TGFB2: variants seen among roughly 807,000 people sequenced by gnomAD.
TGFB2 encodes transforming growth factor beta 2, also known as transforming growth factor beta-2 proprotein.
In TGFB2, 13 loss-of-function variants were observed where a neutral mutation model predicts 42.7. That is an observed-to-expected ratio of 0.30 (90% CI 0.20 to 0.48). The LOEUF (loss-of-function observed/expected upper bound fraction) is 0.48, where lower values mean the gene tolerates loss of function less well. Among genes scored for constraint, TGFB2 ranks in the 20% least tolerant of loss-of-function variants. The pLI, the probability that TGFB2 is intolerant of heterozygous loss-of-function variation, is 0.99. For missense variants in TGFB2, 390 were observed against 517.5 expected (o/e 0.75, Z 2.39); for synonymous variants, 193 against 193.6 (o/e 1.00, Z 0.03).
chr1:218,352,081 C>T (rs1256042095), intron 1 of TGFB2, among the ~76,000 whole-genome samples: 1 of 152,114 alleles, frequency 6.6e-6, no homozygotes, highest in African/African-American at 2.4e-5. Flanking sequence ...GGGACTCTGG[C>T]CCACTGCCAC....
At chr1:218,396,503 T>A (rs1571867318) in intron 1 of TGFB2, among the ~76,000 whole-genome samples, 1 of 152,058 alleles carries the variant, frequency 6.6e-6, no homozygotes, top group East Asian at 1.9e-4. Flanking sequence ...TGAGGTGTGA[T>A]CTCTCACAAC....
In TGFB2 at chr1:218,441,237, G is replaced by A; in HGVS notation, c.1120G>A (p.Ala374Thr). 1.9e-6 allele frequency: 3 copies of A among 1,613,576 alleles called. No individual in the cohort carries two copies. The highest frequency in any genetic ancestry group is 2.5e-6 in the Non-Finnish European group (3 of 1,179,892). ...LSLYNTINPE[A>T]SASPCCVSQD... ...CTTATATAATACCATAAATCCAGAA[G>A]CATCTGCTTCTCCTTGCTGCGTGTC... The change falls in exon 7 of 7, where the codon GCA (alanine) becomes ACA (threonine). Residue 374 changes from alanine to threonine, a missense_variant. Ala to Thr is a moderately conservative substitution (Grantham distance 58). Transcript: ENST00000366930.
chr1:218,422,244 G>C (rs1659479255), intron 2 of TGFB2, among the ~76,000 whole-genome samples: 1 of 150,244 alleles, frequency 6.7e-6, no homozygotes, highest in African/African-American at 2.5e-5. Flanking sequence ...TTTTGACAGA[G>C]TCTCGCTCTG....
At chr1:218,424,222 A>G (rs1243668001) in intron 2 of TGFB2, among the ~76,000 whole-genome samples, 1 of 152,222 alleles carries the variant, frequency 6.6e-6, no homozygotes, top group African/African-American at 2.4e-5. Flanking sequence ...TGATTTTAAC[A>G]TTGTTATCAC....
At position 218,405,252 on chromosome 1, in the gene TGFB2, T is replaced by C. The variant is rs1658870343; in HGVS notation, c.430T>C (p.Leu144=). The change falls in exon 2 of 7, where the codon TTG becomes CTG. Residue 144 remains leucine, a synonymous_variant. Transcript: ENST00000366930. ...VSAMEKNASN[L]VKAEFRVFRL... is the part of the protein sequence containing the mutation. ...AGCAATGGAGAAGAATGCTTCCAAT[T>C]TGGTGAAAGCAGAGTTCAGAGTCTT... 2 of 1,614,006 alleles carry C rather than the reference T, an allele frequency of 1.2e-6. No homozygotes were observed. Among genetic ancestry groups the C allele is most frequent in the African/African-American group, 1.3e-5 (1 of 74,934 alleles).
At chr1:218,390,779 T>G (rs1658294721) in intron 1 of TGFB2, among the ~76,000 whole-genome samples, 1 of 152,188 alleles carries the variant, frequency 6.6e-6, no homozygotes, top group African/African-American at 2.4e-5. Context: ...CCATTCCAGA[T>G]CTCGTTCATG....
At chr1:218,403,393 T>A (rs980942893) in intron 1 of TGFB2, among the ~76,000 whole-genome samples, 3 of 152,224 alleles carry the variant, frequency 2.0e-5, no homozygotes, top group African/African-American at 7.2e-5. Context: ...AAAGTTCCTA[T>A]GAAGGAAAAA....
At chr1:218,389,217 C>T (rs572345921) in intron 1 of TGFB2, among the ~76,000 whole-genome samples, 2 of 152,282 alleles carry the variant, frequency 1.3e-5, no homozygotes, top group South Asian at 2.1e-4. Flanking sequence ...TTGGGATTAA[C>T]ATTCATCATT....
intron 1 of TGFB2, among the ~76,000 whole-genome samples, chr1:218,367,480 C>T (rs1011076783): frequency 2.6e-5 from 4 of 152,210 alleles, no homozygotes; most frequent in Non-Finnish European, 5.9e-5. Flanking sequence ...AACCCTGTGC[C>T]CCCTGGTATT....
At chr1:218,399,155 C>T (rs1302748982) in intron 1 of TGFB2, among the ~76,000 whole-genome samples, 1 of 152,006 alleles carries the variant, frequency 6.6e-6, no homozygotes, top group Admixed American at 6.6e-5. Flanking sequence ...TCCCAGAGTG[C>T]TGGGATTTTA....
intron 1 of TGFB2, among the ~76,000 whole-genome samples, chr1:218,375,153 A>G (rs765543214): frequency 1.1e-4 from 17 of 152,174 alleles, no homozygotes; most frequent in Non-Finnish European, 2.2e-4. Context: ...ATGGGCCTCT[A>G]TGTTTCTTTT....
chr1:218,351,637 A>AC (rs1245386896), intron 1 of TGFB2, among the ~76,000 whole-genome samples: 2 of 151,848 alleles, frequency 1.3e-5, no homozygotes, highest in Non-Finnish European at 2.9e-5. Flanking sequence ...TCCTGAGGAG[A>AC]CCCCACCCGA....
At chr1:218,394,610 C>T (rs138448264) in intron 1 of TGFB2, among the ~76,000 whole-genome samples, 1 of 152,264 alleles carries the variant, frequency 6.6e-6, no homozygotes, top group East Asian at 1.9e-4. Flanking sequence ...AACAGCTCGT[C>T]AAGTCTGATA....
chr1:218,426,622 C>T (rs1305824463), intron 2 of TGFB2, among the ~76,000 whole-genome samples: 1 of 152,060 alleles, frequency 6.6e-6, no homozygotes, highest in Non-Finnish European at 1.5e-5. Context: ...GGCAGCTAAG[C>T]CAAAGACAGC....
At chr1:218,410,118 T>C (rs1659047926) in intron 2 of TGFB2, among the ~76,000 whole-genome samples, 1 of 152,222 alleles carries the variant, frequency 6.6e-6, no homozygotes, top group African/African-American at 2.4e-5. Flanking sequence ...GTGACTCACA[T>C]GTGTGATTGT....
chr1:218,419,675 A>C (rs534415454), intron 2 of TGFB2, among the ~76,000 whole-genome samples: 4 of 152,328 alleles, frequency 2.6e-5, no homozygotes, highest in African/African-American at 9.6e-5. Flanking sequence ...GATTCTGTTG[A>C]GAAACATCAC....
chr1:218,441,413 G>T lies in TGFB2; in HGVS notation c.*51G>T, dbSNP rs1180858363. 1 of 1,545,414 alleles carries T rather than the reference G, an allele frequency of 6.5e-7. No homozygotes were observed. Among genetic ancestry groups the T allele is most frequent in the South Asian group, 1.2e-5 (1 of 81,094 alleles). On this transcript the variant is annotated 3_prime_UTR_variant, in exon 7 of 7. Transcript: ENST00000366930. ...AAATGACAATGATGATGATAATGAT[G>T]ATGACGACGACAACGATGATGCTTG... is the stretch of plus-strand genomic sequence containing the variant.
At chr1:218,366,891 C>G (rs537529690) in intron 1 of TGFB2, among the ~76,000 whole-genome samples, 145 of 152,348 alleles carry the variant, frequency 9.5e-4, no homozygotes, top group Non-Finnish European at 1.8e-3. Flanking sequence ...GCTGGTCCTT[C>G]AAGTGTGACC....
At chr1:218,396,031 T>G (rs1658498436) in intron 1 of TGFB2, among the ~76,000 whole-genome samples, 1 of 152,180 alleles carries the variant, frequency 6.6e-6, no homozygotes, top group Admixed American at 6.5e-5. Context: ...TGCAGTGAAA[T>G]CAGGTCATTC....
Sources: gnomAD v4.1 joint callset for allele counts (sites outside exome capture counted in the v4.1 genomes callset) on GRCh38, gnomAD v4.1.1 for gene constraint, MANE v1.5 for transcripts, NCBI Gene and HGNC (gene_info 2026-07-23, HGNC 2026-07-21) for gene names.